The following AOPEP variants were observed in gnomAD, a reference collection of about 807,000 sequenced individuals.
AOPEP encodes aminopeptidase O.
AOPEP carries 77 observed loss-of-function variants against 98.1 expected under a neutral mutation model. The observed-to-expected ratio is 0.78, with a 90% CI of 0.65 to 0.95. The LOEUF (loss-of-function observed/expected upper bound fraction) is 0.95, where lower values mean the gene tolerates loss of function less well. Among genes scored for constraint, AOPEP ranks in the 40% least tolerant of loss-of-function variants. The pLI is 0.00. For missense variants in AOPEP, 1,024 were observed against 1,024.7 expected, an observed-to-expected ratio of 1.00 and a Z score of 0.01; for synonymous variants, 346 against 365.3, an observed-to-expected ratio of 0.95 and a Z score of 0.60.
the AOPEP span, among the ~76,000 whole-genome samples, chr9:95,132,722 A>T: frequency 6.6e-6 from 1 of 151,794 alleles, no homozygotes; most frequent in Non-Finnish European, 1.5e-5. Flanking sequence ...AACTCAGGTA[A>T]TAAGAGACTA....
At chr9:94,855,427 G>A (rs904149358) in intron 5 of AOPEP, among the ~76,000 whole-genome samples, 3 of 152,118 alleles carry the variant, frequency 2.0e-5, no homozygotes, top group African/African-American at 4.8e-5. Context: ...GGTGGCTCAC[G>A]CCTGTAATCC....
chr9:94,791,020 A>G (rs1845589680), intron 3 of AOPEP, among the ~76,000 whole-genome samples: 1 of 152,160 alleles, frequency 6.6e-6, no homozygotes, highest in Non-Finnish European at 1.5e-5. Context: ...CCCTATGGGA[A>G]CATGAGGAGT....
intron 1 of AOPEP, among the ~76,000 whole-genome samples, chr9:94,752,343 C>G (rs1198130149): frequency 6.7e-6 from 1 of 148,748 alleles, no homozygotes; most frequent in Non-Finnish European, 1.5e-5. Flanking sequence ...TACAGACACA[C>G]AAGTCTCTCT....
the AOPEP span, among the ~76,000 whole-genome samples, chr9:95,094,174 C>T: frequency 1.3e-5 from 2 of 152,236 alleles, no homozygotes; most frequent in East Asian, 1.9e-4. Flanking sequence ...ATCCTGCACA[C>T]GCACAGGCGC....
chr9:95,033,115 C>A (rs939370952), intron 13 of AOPEP, among the ~76,000 whole-genome samples: 7 of 152,158 alleles, frequency 4.6e-5, no homozygotes, highest in Admixed American at 4.6e-4. Context: ...AGCTCCTGTG[C>A]TATGTGCTGT....
chr9:94,944,294 A>G (rs1359749903), intron 7 of AOPEP, among the ~76,000 whole-genome samples: 1 of 152,244 alleles, frequency 6.6e-6, no homozygotes, highest in Non-Finnish European at 1.5e-5. Context: ...AATGTTCATA[A>G]CAGTATTATT....
intron 3 of AOPEP, among the ~76,000 whole-genome samples, chr9:94,777,291 G>A (rs983758142): frequency 6.6e-6 from 1 of 152,018 alleles, no homozygotes; most frequent in Non-Finnish European, 1.5e-5. Context: ...AATTAGCCGG[G>A]CGTGGTGGTG....
chr9:94,771,123 G>A (rs1418097762), intron 2 of AOPEP, among the ~76,000 whole-genome samples: 1 of 152,160 alleles, frequency 6.6e-6, no homozygotes. Flanking sequence ...AGTGGAATGT[G>A]TAATAATATG....
At chr9:94,893,613 G>A (rs1564335573) in intron 5 of AOPEP, among the ~76,000 whole-genome samples, 1 of 152,112 alleles carries the variant, frequency 6.6e-6, no homozygotes, top group Non-Finnish European at 1.5e-5. Context: ...GTGCTTGTGT[G>A]AGGAGAGGCT....
At position 94,766,001 on chromosome 9, in the gene AOPEP, C is replaced by T. The variant is rs1042002605; in HGVS notation, c.797+5421C>T. Among the ~76,000 whole-genome samples, 32 of 152,142 alleles carry T rather than the reference C, an allele frequency of 2.1e-4. 1 individual carries two copies. The highest frequency in any genetic ancestry group is 2.9e-4 in the Non-Finnish European group (20 of 67,994). ...AAGATGTTTGCTTTTCTGTGGTACGCGGGTCTGTGTGCCCTTTAAAAATAT... is the reference window on the plus strand; with the variant it reads ...AAGATGTTTGCTTTTCTGTGGTACGTGGGTCTGTGTGCCCTTTAAAAATAT... On this transcript the variant is annotated intron_variant, in intron 2 of 16. Transcript: ENST00000375315.
At chr9:94,953,761 G>A (rs2058269774) in intron 7 of AOPEP, among the ~76,000 whole-genome samples, 1 of 152,026 alleles carries the variant, frequency 6.6e-6, no homozygotes, top group Non-Finnish European at 1.5e-5. Context: ...GTGGTTCCTT[G>A]CCTTCCTTCA....
At chr9:94,987,053 A>G (rs761514320) in intron 11 of AOPEP, among the ~76,000 whole-genome samples, 3 of 152,242 alleles carry the variant, frequency 2.0e-5, no homozygotes, top group Non-Finnish European at 4.4e-5. Context: ...CTGAAATCAG[A>G]CCTCTGAGTC....
At chr9:95,137,623 T>C in the AOPEP span, among the ~76,000 whole-genome samples, 1 of 152,130 alleles carries the variant, frequency 6.6e-6, no homozygotes, top group Admixed American at 6.5e-5. Flanking sequence ...GTGTGTGGAT[T>C]TGGAGTGTCT....
chr9:95,122,585 G>C, the AOPEP span, among the ~76,000 whole-genome samples: 2 of 152,182 alleles, frequency 1.3e-5, no homozygotes, highest in Non-Finnish European at 2.9e-5. Context: ...GTGGTCCCAC[G>C]TCCTTAGATA....
intron 13 of AOPEP, among the ~76,000 whole-genome samples, chr9:95,023,259 A>G (rs916456821): frequency 1.3e-5 from 2 of 152,240 alleles, no homozygotes; most frequent in African/African-American, 2.4e-5. Context: ...CTGAGAGCTG[A>G]TAGGAGAGAC....
At chr9:94,880,337 CT>C (rs1268776191) in intron 5 of AOPEP, among the ~76,000 whole-genome samples, 5 of 147,908 alleles carry the variant, frequency 3.4e-5, no homozygotes, top group South Asian at 2.2e-4. Context: ...GCATATTTGT[CT>C]TTTTTTTTCT....
chr9:95,098,304 C>A, the AOPEP span, among the ~76,000 whole-genome samples: 2 of 152,298 alleles, frequency 1.3e-5, no homozygotes, highest in African/African-American at 4.8e-5. Context: ...CAACAGAAAA[C>A]TCGGCTTCCT....
At chr9:95,065,344 CCTCTCCCACCACGG>C (rs2067769206) in intron 14 of AOPEP, 1 of 152,310 alleles carries the variant, frequency 6.6e-6, no homozygotes, top group Admixed American at 6.5e-5. Flanking sequence ...CCCAGCTCTG[CCTCTCCCACCACGG>C]TGCTGGCACC....
chr9:94,729,870 G>T (rs1041013541), intron 1 of AOPEP, among the ~76,000 whole-genome samples: 1 of 152,196 alleles, frequency 6.6e-6, no homozygotes, highest in East Asian at 1.9e-4. Flanking sequence ...TAAGGGACTG[G>T]AGTCTCGATG....
Sources: allele counts gnomAD v4.1 joint callset (sites outside exome capture counted in the v4.1 genomes callset), GRCh38; gene constraint gnomAD v4.1.1; transcripts MANE v1.5; gene names NCBI Gene and HGNC (gene_info 2026-07-23, HGNC 2026-07-21).